The following XYLT1 variants were observed in gnomAD, a reference collection of about 807,000 sequenced individuals.
XYLT1 encodes beta-D-xylosyltransferase 1.
XYLT1 carries 36 observed loss-of-function variants against 91.3 expected under a neutral mutation model. That is an observed-to-expected ratio of 0.39 (90% CI 0.30 to 0.52). XYLT1 has a LOEUF of 0.52. Ranked by LOEUF, XYLT1 falls within the 20% of genes least tolerant of loss-of-function variation. XYLT1 has a pLI of 0.68. For missense variants in XYLT1, 1,242 were observed against 1,284.5 expected, an observed-to-expected ratio of 0.97 and a Z score of 0.51; for synonymous variants, 588 against 532.0, an observed-to-expected ratio of 1.11 and a Z score of -1.45.
intron 1 of XYLT1, among the ~76,000 whole-genome samples, chr16:17,409,041 G>A (rs1188208741): frequency 2.0e-5 from 3 of 152,124 alleles, no homozygotes; most frequent in East Asian, 3.9e-4. Context: ...TGTCAAAACC[G>A]AAGAAGGCCT....
At chr16:17,183,242 G>A (rs75234510) in intron 5 of XYLT1, among the ~76,000 whole-genome samples, 275 of 152,306 alleles carry the variant, frequency 1.8e-3, no homozygotes, top group African/African-American at 6.3e-3. Context: ...GAAAGTGGGG[G>A]CAACTTGGCA....
At chr16:17,453,444 T>G (rs28608850) in intron 1 of XYLT1, among the ~76,000 whole-genome samples, 86,550 of 152,046 alleles carry the variant, frequency 0.57, 28,353 homozygotes, top group African/African-American at 0.9. Context: ...GTATCCTAAT[T>G]TTACTCTTCC....
At position 17,102,773 on chromosome 16, in the gene XYLT1, A is replaced by T. The variant is rs1456728225; in HGVS notation, c.*5922T>A. The T allele has an allele frequency of 2.6e-5, 4 of 152,224 alleles. No individual in the cohort carries two copies. The highest frequency in any genetic ancestry group is 2.1e-4 in the South Asian group (1 of 4,806). The allele number at this position is 152,224 out of a possible 1,614,324, so 9.4% of individuals were successfully genotyped here. ...AAAACTTTATTTACAGATTTTTTTT[A>T]AAATCAACACATTACAAAATATTTC... On this transcript the variant is annotated 3_prime_UTR_variant, in exon 12 of 12. Transcript: ENST00000261381.
chr16:17,175,991 T>C (rs750173637), intron 5 of XYLT1, among the ~76,000 whole-genome samples: 2 of 151,958 alleles, frequency 1.3e-5, no homozygotes. Context: ...CCTCCACTGG[T>C]CCTCAATCTA....
intron 2 of XYLT1, among the ~76,000 whole-genome samples, chr16:17,291,964 A>C (rs898893690): frequency 1.3e-5 from 2 of 151,934 alleles, no homozygotes; most frequent in African/African-American, 4.8e-5. Flanking sequence ...AGACCTGTGG[A>C]TCTCTTGACC....
At chr16:17,227,143 C>T (rs1319353863) in intron 3 of XYLT1, 1 of 152,252 alleles carries the variant, frequency 6.6e-6, no homozygotes, top group Non-Finnish European at 1.5e-5. Context: ...CTGTCTCAGA[C>T]ATGCTAACCA....
chr16:17,111,239 T>C (rs991575058), intron 11 of XYLT1, among the ~76,000 whole-genome samples: 34 of 152,144 alleles, frequency 2.2e-4, no homozygotes, highest in Admixed American at 4.6e-4. Flanking sequence ...CTACTACTAC[T>C]ACCTCCCAGG....
intron 2 of XYLT1, among the ~76,000 whole-genome samples, chr16:17,354,243 G>T (rs1267786336): frequency 1.3e-5 from 2 of 152,182 alleles, no homozygotes; most frequent in South Asian, 2.1e-4. Context: ...TGACACCAGG[G>T]ATTTAAACCT....
chr16:17,468,259 G>T (rs1286776442), intron 1 of XYLT1, among the ~76,000 whole-genome samples: 1 of 152,018 alleles, frequency 6.6e-6, no homozygotes, highest in South Asian at 2.1e-4. Flanking sequence ...GAGTAGGTGT[G>T]GGGGGAGAGG....
chr16:17,240,096 A>G (rs1304199613), intron 3 of XYLT1, among the ~76,000 whole-genome samples: 1 of 152,232 alleles, frequency 6.6e-6, no homozygotes, highest in African/African-American at 2.4e-5. Flanking sequence ...TAAATGCTAT[A>G]AAAGAAAAGT....
chr16:17,431,400 C>T (rs975610542), intron 1 of XYLT1, among the ~76,000 whole-genome samples: 7 of 152,228 alleles, frequency 4.6e-5, no homozygotes, highest in Middle Eastern at 3.4e-3. Flanking sequence ...GCTGAGGCTG[C>T]GTGTCCAAGG....
At chr16:17,113,186 G>C (rs1966845747) in intron 11 of XYLT1, among the ~76,000 whole-genome samples, 1 of 150,030 alleles carries the variant, frequency 6.7e-6, no homozygotes, top group South Asian at 2.1e-4. Flanking sequence ...CTGTCACCCA[G>C]GCTGGAGTGC....
intron 3 of XYLT1, among the ~76,000 whole-genome samples, chr16:17,210,967 T>G (rs1006325649): frequency 2.0e-5 from 3 of 152,242 alleles, no homozygotes; most frequent in Non-Finnish European, 4.4e-5. Flanking sequence ...CGGCTAGCAC[T>G]GAATGCCATT....
intron 11 of XYLT1, among the ~76,000 whole-genome samples, chr16:17,115,272 C>T (rs1418198202): frequency 2.3e-5 from 3 of 132,640 alleles, no homozygotes; most frequent in Non-Finnish European, 4.6e-5. Context: ...GAGTTTGAGA[C>T]CAGCCAGGAC....
At chr16:17,402,135 CAA>C (rs559973657) in intron 1 of XYLT1, among the ~76,000 whole-genome samples, 27,318 of 138,036 alleles carry the variant, frequency 0.2, 2,870 homozygotes, top group Middle Eastern at 0.3. Context: ...CCTGTTTCTA[CAA>C]AAAAAAAAAA....
chr16:17,438,302 G>T (rs2036486923), intron 1 of XYLT1, among the ~76,000 whole-genome samples: 1 of 152,128 alleles, frequency 6.6e-6, no homozygotes, highest in African/African-American at 2.4e-5. Flanking sequence ...CATTTTTATA[G>T]CCATTATTTC....
At chr16:17,412,606 A>C (rs1042340242) in intron 1 of XYLT1, among the ~76,000 whole-genome samples, 31 of 152,054 alleles carry the variant, frequency 2.0e-4, no homozygotes, top group Non-Finnish European at 5.9e-5. Context: ...GGAAGAAAAG[A>C]GGTAAAGAGG....
chr16:17,444,750 C>T (rs1339377201), intron 1 of XYLT1, among the ~76,000 whole-genome samples: 1 of 152,210 alleles, frequency 6.6e-6, no homozygotes, highest in Non-Finnish European at 1.5e-5. Context: ...GGATGAAGGA[C>T]AGGCATATAT....
At chr16:17,276,915 T>C (rs1447257061) in intron 2 of XYLT1, among the ~76,000 whole-genome samples, 1 of 152,216 alleles carries the variant, frequency 6.6e-6, no homozygotes, top group African/African-American at 2.4e-5. Context: ...ACTTAACCAG[T>C]GCAAAGACAC....
Sources: allele counts gnomAD v4.1 joint callset (sites outside exome capture counted in the v4.1 genomes callset), GRCh38; gene constraint gnomAD v4.1.1; transcripts MANE v1.5; gene names NCBI Gene and HGNC (gene_info 2026-07-23, HGNC 2026-07-21).